Variants in LGSN observed in about 807,000 individuals in gnomAD.
The protein encoded by LGSN is lengsin, lens protein with glutamine synthetase domain.
In LGSN, 21 loss-of-function variants were observed where a neutral mutation model predicts 19.5. That is an observed-to-expected ratio of 1.07 (90% CI 0.76 to 1.55). The LOEUF (loss-of-function observed/expected upper bound fraction) is 1.55, where lower values mean the gene tolerates loss of function less well. Among genes scored for constraint, LGSN ranks in the 40% most tolerant of loss-of-function variants. The pLI, the probability that LGSN is intolerant of heterozygous loss-of-function variation, is 0.00. For synonymous variants in LGSN, 257 were observed against 215.6 expected (o/e 1.19, Z -1.68); for missense variants, 673 against 608.5 (o/e 1.11, Z -1.12).
chr6:63,342,739 A>G, the LGSN span, among the ~76,000 whole-genome samples: 1 of 152,230 alleles, frequency 6.6e-6, no homozygotes, highest in African/African-American at 2.4e-5. Context: ...AATAGGAATT[A>G]ATACTGTCCC....
At chr6:63,364,830 A>G in the LGSN span, among the ~76,000 whole-genome samples, 1 of 152,154 alleles carries the variant, frequency 6.6e-6, no homozygotes, top group Non-Finnish European at 1.5e-5. Flanking sequence ...CTCCTCCTGA[A>G]TGACTACTGG....
the LGSN span, among the ~76,000 whole-genome samples, chr6:63,325,661 G>A: frequency 5.9e-5 from 9 of 152,266 alleles, no homozygotes; most frequent in South Asian, 4.1e-4. Flanking sequence ...AGACCCTCAC[G>A]GTGAGTGTTA....
At chr6:63,547,926 C>T in the LGSN span, among the ~76,000 whole-genome samples, 9 of 152,208 alleles carry the variant, frequency 5.9e-5, no homozygotes, top group Admixed American at 5.9e-4. Flanking sequence ...GGCTTTCTTG[C>T]TTAAAACCCT....
chr6:63,343,094 A>G, the LGSN span, among the ~76,000 whole-genome samples: 450 of 152,358 alleles, frequency 3.0e-3, 3 homozygotes, highest in African/African-American at 0.01. Flanking sequence ...CTTAATTGCA[A>G]TAATGACTTG....
the LGSN span, among the ~76,000 whole-genome samples, chr6:63,481,257 A>G: frequency 6.6e-6 from 1 of 152,126 alleles, no homozygotes. Flanking sequence ...TAAGTACAAT[A>G]TATGCTACTT....
At chr6:63,511,172 T>C in the LGSN span, among the ~76,000 whole-genome samples, 3 of 151,842 alleles carry the variant, frequency 2.0e-5, no homozygotes, top group African/African-American at 7.2e-5. Context: ...TATAAGATGA[T>C]AAGATGAGCC....
chr6:63,481,814 G>A, the LGSN span: 4 of 315,138 alleles, frequency 1.3e-5, no homozygotes, highest in African/African-American at 6.7e-5. Flanking sequence ...AGATATGCGG[G>A]AGGAGCAGAT....
chr6:63,342,721 C>T, the LGSN span, among the ~76,000 whole-genome samples: 5 of 152,172 alleles, frequency 3.3e-5, no homozygotes, highest in African/African-American at 7.2e-5. Context: ...AAATTTTACT[C>T]GTGAAATAAT....
At chr6:63,486,834 T>C in the LGSN span, among the ~76,000 whole-genome samples, 1 of 148,924 alleles carries the variant, frequency 6.7e-6, no homozygotes, top group African/African-American at 2.5e-5. Context: ...TTATTATTAT[T>C]ATTATTATTA....
the LGSN span, among the ~76,000 whole-genome samples, chr6:63,372,851 A>C: frequency 6.6e-6 from 1 of 152,192 alleles, no homozygotes; most frequent in Non-Finnish European, 1.5e-5. Context: ...TTATTTTAAA[A>C]GTTCTTTTGT....
chr6:63,494,893 A>G, the LGSN span, among the ~76,000 whole-genome samples: 3 of 152,220 alleles, frequency 2.0e-5, no homozygotes, highest in African/African-American at 7.2e-5. Flanking sequence ...ATGTTCCGAA[A>G]CAAGATACTT....
chr6:63,420,188 C>T, the LGSN span, among the ~76,000 whole-genome samples: 353 of 151,272 alleles, frequency 2.3e-3, 1 homozygote, highest in Non-Finnish European at 3.1e-3. Flanking sequence ...AGGCGACAGA[C>T]CGAGACTGCG....
At chr6:63,355,588 A>C in the LGSN span, among the ~76,000 whole-genome samples, 1 of 147,108 alleles carries the variant, frequency 6.8e-6, no homozygotes, top group African/African-American at 2.7e-5. Context: ...AACCTGGAGG[A>C]AAATCTTTCC....
At chr6:63,362,952 G>A in the LGSN span, among the ~76,000 whole-genome samples, 1 of 152,192 alleles carries the variant, frequency 6.6e-6, no homozygotes. Flanking sequence ...CCCAGTAGGG[G>A]CCGACTGACA....
chr6:63,281,017 C>T lies in LGSN; in HGVS notation c.534G>A (p.Glu178=), dbSNP rs554028253. ...VICDTFTVTG[E]PLLTSPRYIA... is the part of the protein sequence containing the mutation. ...TGTACCTTGGGGAAGTCAAAAGAGG[C>T]TCACCAGTCACAGTGAAGGTATCAC... The change falls in exon 4 of 4, where the codon GAG becomes GAA. Residue 178 remains glutamate (E), a synonymous_variant. Transcript: ENST00000370657. 1.2e-5 allele frequency: 20 copies of T among 1,614,060 alleles called. No homozygotes were observed. The Middle Eastern group carries it at 5.0e-4, about 40-fold the overall frequency.
At chr6:63,307,450 T>G (rs1355744200) in intron 1 of LGSN, among the ~76,000 whole-genome samples, 1 of 152,208 alleles carries the variant, frequency 6.6e-6, no homozygotes, top group Non-Finnish European at 1.5e-5. Context: ...GGAGGGCCTG[T>G]AGGGCCAGGT....
chr6:63,538,750 C>T, the LGSN span, among the ~76,000 whole-genome samples: 1 of 152,184 alleles, frequency 6.6e-6, no homozygotes, highest in South Asian at 2.1e-4. Context: ...TGTTAAAACA[C>T]AGACTGATGG....
the LGSN span, among the ~76,000 whole-genome samples, chr6:63,401,409 A>G: frequency 6.6e-6 from 1 of 152,070 alleles, no homozygotes; most frequent in Non-Finnish European, 1.5e-5. Context: ...CAAAAAAAAA[A>G]AAAAAGTTAC....
At chr6:63,477,687 C>CTTTTT in the LGSN span, among the ~76,000 whole-genome samples, 2 of 61,026 alleles carry the variant, frequency 3.3e-5, no homozygotes, top group Non-Finnish European at 5.9e-5. Context: ...TTCTTTTTTT[C>CTTTTT]TTTTTTTTTT....
Sources: gnomAD v4.1 joint callset for allele counts (sites outside exome capture counted in the v4.1 genomes callset) on GRCh38, gnomAD v4.1.1 for gene constraint, MANE v1.5 for transcripts, NCBI Gene and HGNC (gene_info 2026-07-23, HGNC 2026-07-21) for gene names.